The following RALGAPA2 variants were observed in gnomAD, a reference collection of about 807,000 sequenced individuals.
The protein encoded by RALGAPA2 is ral GTPase-activating protein subunit alpha-2.
RALGAPA2 carries 139 observed loss-of-function variants against 230.4 expected under a neutral mutation model. The observed-to-expected ratio is 0.60, with a 90% CI of 0.53 to 0.69. The LOEUF is 0.69. RALGAPA2 is among the 30% of genes least tolerant of loss of function. The pLI is 0.00. For synonymous variants in RALGAPA2, 847 were observed against 837.8 expected (o/e 1.01, Z -0.19); for missense variants, 2,163 against 2,276.0 (o/e 0.95, Z 1.01).
At chr20:20,454,516 T>C (rs954981900) in intron 37 of RALGAPA2, among the ~76,000 whole-genome samples, 6 of 152,218 alleles carry the variant, frequency 3.9e-5, no homozygotes, top group African/African-American at 1.2e-4. Context: ...TAACTTTACG[T>C]TGTATCCTGA....
intron 25 of RALGAPA2, 104 bp downstream of exon 25, chr20:20,536,552 A>G (rs1467395305): frequency 7.7e-7 from 1 of 1,298,456 alleles, no homozygotes; most frequent in Non-Finnish European, 1.0e-6. Context: ...ATACAGCAAA[A>G]CTTCAGGAAT....
intron 31 of RALGAPA2, among the ~76,000 whole-genome samples, chr20:20,518,634 T>C (rs937106093): frequency 2.0e-5 from 3 of 152,194 alleles, no homozygotes; most frequent in African/African-American, 7.2e-5. Context: ...TTTAGAACTA[T>C]CTTGGGAATG....
At chr20:20,526,505 T>C in intron 27 of RALGAPA2, 143 bp from the exon 28 acceptor site, 3 of 585,450 alleles carry the variant, frequency 5.1e-6, no homozygotes, top group South Asian at 2.4e-5. Flanking sequence ...TATGTCCTAT[T>C]ACCACAGAGT....
Position 20,546,732 on chromosome 20 carries a change from G to A in RALGAPA2, c.3257C>T (p.Ala1086Val). 6.2e-7 allele frequency: 1 copy of A among 1,610,664 alleles called. No homozygotes were observed. Among genetic ancestry groups the A allele is most frequent in the Non-Finnish European group, 8.5e-7 (1 of 1,178,908 alleles). ...CAAAATGTCTGTGCTAAGGACCCTG[G>A]CAGCGGCCGTGATGAAGTCCCCCAC... ...MLVGDFITAA[A>V]RVLSTDILTA... is the part of the protein sequence containing the mutation. Residue 1086 changes from alanine to valine, a missense_variant, in exon 24 of 40, where the codon GCC (alanine) becomes GTC (valine). Coordinates refer to ENST00000202677, the MANE Select transcript of RALGAPA2 (RefSeq NM_020343.4).
At chr20:20,618,023 A>G (rs1047509905) in intron 12 of RALGAPA2, among the ~76,000 whole-genome samples, 1 of 152,220 alleles carries the variant, frequency 6.6e-6, no homozygotes, top group Admixed American at 6.5e-5. Flanking sequence ...AAGATATAAA[A>G]AAATTTTTTT....
chr20:20,498,135 T>C (rs1029340741), intron 35 of RALGAPA2, among the ~76,000 whole-genome samples: 4 of 152,204 alleles, frequency 2.6e-5, no homozygotes, highest in African/African-American at 7.2e-5. Context: ...TTTGTGAGTA[T>C]TGAAGAACTG....
At chr20:20,500,444 A>C (rs1033457949) in intron 35 of RALGAPA2, among the ~76,000 whole-genome samples, 19 of 152,250 alleles carry the variant, frequency 1.2e-4, no homozygotes, top group Admixed American at 1.1e-3. Context: ...ATTCCTTCTC[A>C]AGAAACCCAC....
At chr20:20,504,904 A>T in intron 34 of RALGAPA2, 8 of 812,764 alleles carry the variant, frequency 9.8e-6, no homozygotes, top group Non-Finnish European at 1.2e-5. Flanking sequence ...GTACCATTTA[A>T]TAAAGAAAAA....
chr20:20,584,973 T>C lies in RALGAPA2; in HGVS notation c.2440-18A>G. 2.5e-6 allele frequency: 4 copies of C among 1,579,052 alleles called. No individual in the cohort carries two copies. Among genetic ancestry groups the C allele is most frequent in the Non-Finnish European group, 1.7e-6 (2 of 1,154,420 alleles). ...ACTAAGATCTTCAGACAAAAAGAAATATTGCATTTACTACAGGAAAGTTTT... is the reference window on the plus strand; with the variant it reads ...ACTAAGATCTTCAGACAAAAAGAAACATTGCATTTACTACAGGAAAGTTTT... On this transcript the variant is annotated intron_variant, in intron 18 of 39. Coordinates refer to ENST00000202677, the MANE Select transcript of RALGAPA2 (RefSeq NM_020343.4).
intron 37 of RALGAPA2, among the ~76,000 whole-genome samples, chr20:20,456,811 A>G (rs1569415874): frequency 6.6e-6 from 1 of 151,690 alleles, no homozygotes; most frequent in South Asian, 2.1e-4. Context: ...GCCTTTAAAC[A>G]TTTCTGCAAA....
At chr20:20,438,616 A>G (rs1010407985) in intron 37 of RALGAPA2, among the ~76,000 whole-genome samples, 1 of 152,178 alleles carries the variant, frequency 6.6e-6, no homozygotes, top group Non-Finnish European at 1.5e-5. Flanking sequence ...CGGGGCTGCC[A>G]GGCAGTGCGC....
At chr20:20,524,730 G>A (rs945858386) in intron 29 of RALGAPA2, 100 bp downstream of exon 29, 1 of 1,298,338 alleles carries the variant, frequency 7.7e-7, no homozygotes, top group African/African-American at 1.5e-5. Flanking sequence ...AATAGAGAAG[G>A]ATATTACAAA....
intron 37 of RALGAPA2, among the ~76,000 whole-genome samples, chr20:20,462,605 G>A (rs576265569): frequency 6.1e-4 from 93 of 152,230 alleles, no homozygotes; most frequent in African/African-American, 2.1e-3. Context: ...AAACAGAAAG[G>A]ACACCCTTTC....
intron 31 of RALGAPA2, among the ~76,000 whole-genome samples, chr20:20,519,514 T>A (rs2062974793): frequency 6.6e-6 from 1 of 152,212 alleles, no homozygotes; most frequent in Admixed American, 6.5e-5. Context: ...CACCTGCTCA[T>A]GTTATCTGGC....
intron 33 of RALGAPA2, among the ~76,000 whole-genome samples, chr20:20,506,961 A>T (rs2062554090): frequency 6.6e-6 from 1 of 152,262 alleles, no homozygotes. Context: ...CAGAAAGAAA[A>T]GAGAAGAATA....
intron 36 of RALGAPA2, among the ~76,000 whole-genome samples, chr20:20,480,094 A>G (rs2123459839): frequency 6.6e-6 from 1 of 152,368 alleles, no homozygotes; most frequent in Non-Finnish European, 1.5e-5. Context: ...TAAATAAATG[A>G]AATGATAGAT....
At chr20:20,596,473 CT>C (rs1265458240) in intron 16 of RALGAPA2, among the ~76,000 whole-genome samples, 4 of 152,122 alleles carry the variant, frequency 2.6e-5, no homozygotes, top group Non-Finnish European at 1.5e-5. Flanking sequence ...TGCCTACATA[CT>C]TGGATTTAAA....
Position 20,438,338 on chromosome 20 carries a change from A to G in RALGAPA2, c.5496-26190T>C, listed in dbSNP as rs138703249. Among the ~76,000 whole-genome samples, 30 of 152,318 alleles carry G rather than the reference A, an allele frequency of 2.0e-4. 1 individual carries two copies. In the East Asian group the frequency reaches 5.8e-3, roughly 29 times the overall value. ...TTAATGCATGAATAAAGGCATTCCT[A>G]TATTACTATATATGCATTTGCTTTA... is the stretch of plus-strand genomic sequence containing the variant. On this transcript the variant is annotated intron_variant, in intron 37 of 39. Transcript: ENST00000202677.
At chr20:20,532,209 T>C (rs2063384905) in intron 26 of RALGAPA2, among the ~76,000 whole-genome samples, 1 of 152,208 alleles carries the variant, frequency 6.6e-6, no homozygotes, top group Non-Finnish European at 1.5e-5. Flanking sequence ...ACAATACCTA[T>C]ACCACAAACA....
Sources: gnomAD v4.1 joint callset for allele counts (sites outside exome capture counted in the v4.1 genomes callset) on GRCh38, gnomAD v4.1.1 for gene constraint, MANE v1.5 for transcripts, NCBI Gene and HGNC (gene_info 2026-07-23, HGNC 2026-07-21) for gene names.